Variants in LSAMP observed in about 807,000 individuals in gnomAD.
The protein encoded by LSAMP is limbic system associated membrane protein, also known as limbic system-associated membrane protein.
A neutral mutation model predicts 38.6 loss-of-function variants in LSAMP; 7 were observed. The ratio of observed to expected loss-of-function variants is 0.18; its 90% CI spans 0.10 to 0.34. The LOEUF (loss-of-function observed/expected upper bound fraction) is 0.34. LSAMP is among the 10% of genes least tolerant of loss of function. The pLI, the probability that LSAMP is intolerant of heterozygous loss-of-function variation, is 1.00. For missense variants in LSAMP, 313 were observed against 420.0 expected, an observed-to-expected ratio of 0.75 and a Z score of 2.23; for synonymous variants, 154 against 166.8, an observed-to-expected ratio of 0.92 and a Z score of 0.59.
At chr3:116,304,136 T>A (rs142381782) in intron 1 of LSAMP, among the ~76,000 whole-genome samples, 1 of 152,210 alleles carries the variant, frequency 6.6e-6, no homozygotes, top group African/African-American at 2.4e-5. Flanking sequence ...GATACTTAGC[T>A]ATCGCTATGT....
intron 1 of LSAMP, among the ~76,000 whole-genome samples, chr3:116,090,891 G>A (rs1055596183): frequency 3.3e-5 from 5 of 152,176 alleles, no homozygotes; most frequent in Admixed American, 2.0e-4. Context: ...CCACAGGACC[G>A]ATGTGAAATT....
chr3:115,870,568 T>C (rs1936004101), intron 3 of LSAMP, among the ~76,000 whole-genome samples: 1 of 152,124 alleles, frequency 6.6e-6, no homozygotes, highest in South Asian at 2.1e-4. Context: ...TTCTAATCCA[T>C]TATGTCTAGG....
At chr3:116,190,664 A>C (rs866074128) in intron 1 of LSAMP, among the ~76,000 whole-genome samples, 2 of 152,180 alleles carry the variant, frequency 1.3e-5, no homozygotes, top group Non-Finnish European at 2.9e-5. Context: ...TTCTATTATT[A>C]TATATGTAAT....
At chr3:116,259,803 C>A (rs1388919153) in intron 1 of LSAMP, among the ~76,000 whole-genome samples, 1 of 152,002 alleles carries the variant, frequency 6.6e-6, no homozygotes, top group Admixed American at 6.6e-5. Context: ...AACAAAAAAA[C>A]AACAAAAGAA....
intron 2 of LSAMP, among the ~76,000 whole-genome samples, chr3:116,076,839 T>G (rs1272308914): frequency 6.6e-6 from 1 of 152,162 alleles, no homozygotes; most frequent in African/African-American, 2.4e-5. Flanking sequence ...TCCTTTCAAT[T>G]TTTGCATTTA....
In LSAMP at chr3:115,889,300, G is replaced by A. The variant is rs563937435; in HGVS notation, c.515-36683C>T. On this transcript the variant is annotated intron_variant, in intron 3 of 6. Transcript: ENST00000490035. ...AGTGGAATATCTGTAATCTAAATGC[G>A]CTTATGCTGGGTGATGTGTTGGTGA... is the stretch of plus-strand genomic sequence containing the variant. Among the ~76,000 whole-genome samples the A allele has an allele frequency of 2.6e-5, 4 of 152,038 alleles. No individual in the cohort carries two copies. The East Asian group carries it at 5.8e-4, about 22-fold the overall frequency.
intron 1 of LSAMP, among the ~76,000 whole-genome samples, chr3:116,429,178 C>T (rs2049244426): frequency 6.6e-6 from 1 of 152,186 alleles, no homozygotes; most frequent in African/African-American, 2.4e-5. Context: ...AAGTACATGT[C>T]AGCTCTACAG....
chr3:115,844,381 G>T (rs1460760131), intron 4 of LSAMP, among the ~76,000 whole-genome samples: 4 of 152,076 alleles, frequency 2.6e-5, no homozygotes, highest in Admixed American at 2.0e-4. Flanking sequence ...CTGTGGTCTG[G>T]GAAAACATCT....
intron 1 of LSAMP, among the ~76,000 whole-genome samples, chr3:116,189,161 A>G (rs1710695153): frequency 6.6e-6 from 1 of 152,202 alleles, no homozygotes; most frequent in Admixed American, 6.5e-5. Context: ...AGATTAATAT[A>G]TGGTCATTGA....
rs550361472 is a variant in LSAMP at position 116,041,995 on chromosome 3, G to A, written c.389-22355C>T. On this transcript the variant is annotated intron_variant, in intron 2 of 6. Transcript: ENST00000490035. ...CTTATTTTTCCTTGACATATATCTCGACACACTGCTATAATAGAACCAACA... is the reference window on the plus strand; with the variant it reads ...CTTATTTTTCCTTGACATATATCTCAACACACTGCTATAATAGAACCAACA... Among the ~76,000 whole-genome samples, 13 of 151,942 alleles carry A rather than the reference G, an allele frequency of 8.6e-5. No homozygotes were observed. The East Asian group carries it at 1.4e-3, about 16-fold the overall frequency.
chr3:116,155,793 A>C (rs1233278820), intron 1 of LSAMP, among the ~76,000 whole-genome samples: 1 of 152,064 alleles, frequency 6.6e-6, no homozygotes, highest in East Asian at 1.9e-4. Context: ...CCACTTCTCT[A>C]GTTCCTTTTC....
At chr3:116,116,195 A>T (rs1708741493) in intron 1 of LSAMP, among the ~76,000 whole-genome samples, 1 of 149,126 alleles carries the variant, frequency 6.7e-6, no homozygotes. Flanking sequence ...TTTTATTACT[A>T]CCGTCATGTT....
At chr3:116,043,795 A>G (rs1173512319) in intron 2 of LSAMP, among the ~76,000 whole-genome samples, 2 of 152,198 alleles carry the variant, frequency 1.3e-5, no homozygotes, top group African/African-American at 4.8e-5. Flanking sequence ...TATACAAAAA[A>G]TTAGCCAGGC....
intron 3 of LSAMP, among the ~76,000 whole-genome samples, chr3:115,964,341 ATG>A (rs1938728143): frequency 6.6e-6 from 1 of 152,212 alleles, no homozygotes; most frequent in Admixed American, 6.5e-5. Flanking sequence ...AGTTGAGAAA[ATG>A]AGTTATGGTA....
In LSAMP at chr3:116,441,709, A is replaced by C. The variant is rs185929294; in HGVS notation, c.155+3168T>G. On this transcript the variant is annotated intron_variant, in intron 1 of 6. Transcript: ENST00000490035. Reference sequence around the variant, plus strand: ...CTTACTCCTGTGGGAGCTGGTAATGAGGCAGGTAGACTCTGTTTAGAAAAG... The same window carrying C: ...CTTACTCCTGTGGGAGCTGGTAATGCGGCAGGTAGACTCTGTTTAGAAAAG... Among the ~76,000 whole-genome samples the C allele has an allele frequency of 2.6e-5, 4 of 152,338 alleles. No individual in the cohort carries two copies. The East Asian group carries it at 7.7e-4, about 29-fold the overall frequency.
chr3:116,168,135 G>A (rs985528352), intron 1 of LSAMP, among the ~76,000 whole-genome samples: 2 of 152,138 alleles, frequency 1.3e-5, no homozygotes, highest in Non-Finnish European at 2.9e-5. Flanking sequence ...TATTCAAATT[G>A]TTCCTTTTTC....
chr3:116,429,866 A>G (rs1187596868), intron 1 of LSAMP, among the ~76,000 whole-genome samples: 1 of 152,236 alleles, frequency 6.6e-6, no homozygotes, highest in Non-Finnish European at 1.5e-5. Flanking sequence ...GGTTGACAAC[A>G]GGTAAAGATA....
chr3:116,105,171 TA>T (rs1454767049), intron 1 of LSAMP, among the ~76,000 whole-genome samples: 5 of 133,866 alleles, frequency 3.7e-5, no homozygotes, highest in Non-Finnish European at 7.7e-5. Flanking sequence ...TCAGTTTGAC[TA>T]GGGGGAAAAA....
At chr3:116,443,822 A>G (rs1164651356) in intron 1 of LSAMP, among the ~76,000 whole-genome samples, 1 of 152,204 alleles carries the variant, frequency 6.6e-6, no homozygotes, top group Non-Finnish European at 1.5e-5. Flanking sequence ...TTTTGTTAGC[A>G]TCTGCCAGAA....
Sources: gnomAD v4.1 joint callset for allele counts (sites outside exome capture counted in the v4.1 genomes callset) on GRCh38, gnomAD v4.1.1 for gene constraint, MANE v1.5 for transcripts, NCBI Gene and HGNC (gene_info 2026-07-23, HGNC 2026-07-21) for gene names.